Variants in SPAG16 observed in about 807,000 individuals in gnomAD.
SPAG16 encodes the protein sperm-associated antigen 16 protein.
Under a neutral mutation model 80.4 loss-of-function variants are expected in SPAG16, and 86 were observed. The observed-to-expected ratio is 1.07, with a 90% CI of 0.90 to 1.28. The LOEUF is 1.28. Among genes scored for constraint, SPAG16 ranks in the 50% most tolerant of loss-of-function variants. The probability of loss-of-function intolerance (pLI) is 0.00; values close to 1 mark genes in which losing one functional copy is unlikely to be tolerated. For missense variants in SPAG16, 870 were observed against 765.3 expected, an observed-to-expected ratio of 1.14 and a Z score of -1.61; for synonymous variants, 294 against 265.9, an observed-to-expected ratio of 1.11 and a Z score of -1.03.
intron 10 of SPAG16, among the ~76,000 whole-genome samples, chr2:213,548,187 C>T (rs1265986212): frequency 1.3e-5 from 2 of 152,092 alleles, no homozygotes; most frequent in Admixed American, 6.5e-5. Flanking sequence ...TATATTACCC[C>T]CACCAAAAAA....
chr2:213,581,816 C>G (rs1372879050), intron 10 of SPAG16, among the ~76,000 whole-genome samples: 1 of 152,136 alleles, frequency 6.6e-6, no homozygotes, highest in African/African-American at 2.4e-5. Flanking sequence ...AAGCATGGCC[C>G]AAACAGAGAT....
At chr2:214,107,326 C>T (rs575364627) in intron 13 of SPAG16, among the ~76,000 whole-genome samples, 1 of 152,264 alleles carries the variant, frequency 6.6e-6, no homozygotes, top group South Asian at 2.1e-4. Context: ...ATATTAATTA[C>T]TCAAAAATAT....
At chr2:213,468,486 T>C (rs1445294141) in intron 9 of SPAG16, among the ~76,000 whole-genome samples, 1 of 115,610 alleles carries the variant, frequency 8.6e-6, no homozygotes, top group African/African-American at 3.4e-5. Context: ...TATAGATATA[T>C]ATATGTATTT....
chr2:213,791,940 A>C (rs1436315611), intron 10 of SPAG16, among the ~76,000 whole-genome samples: 1 of 152,226 alleles, frequency 6.6e-6, no homozygotes, highest in Non-Finnish European at 1.5e-5. Context: ...AGCATTCATT[A>C]ACATATTAAA....
intron 9 of SPAG16, among the ~76,000 whole-genome samples, chr2:213,419,664 T>C (rs1280304255): frequency 6.6e-6 from 1 of 152,242 alleles, no homozygotes; most frequent in Non-Finnish European, 1.5e-5. Flanking sequence ...ATTAAAAGCA[T>C]GTGCTACTTT....
At chr2:214,384,821 G>C (rs963889070) in intron 15 of SPAG16, among the ~76,000 whole-genome samples, 1 of 152,162 alleles carries the variant, frequency 6.6e-6, no homozygotes, top group Admixed American at 6.5e-5. Flanking sequence ...TCATATGTAG[G>C]AGAGAGTAAC....
intron 5 of SPAG16, among the ~76,000 whole-genome samples, chr2:213,335,801 G>T (rs2064328523): frequency 6.6e-6 from 1 of 152,054 alleles, no homozygotes. Context: ...TTATTTACGT[G>T]TAATGAAAAC....
rs548393510 is a variant in SPAG16 at position 213,297,246 on chromosome 2, T to C, written c.184-16T>C. ...TCTGCTCACTCTTCCTATCCTTCTC[T>C]TTCTCTGTGATCTAGATACCAGATG... On this transcript the variant is annotated splice_polypyrimidine_tract_variant and intron_variant, in intron 2 of 15. Transcript: ENST00000331683. 1.0e-5 allele frequency: 16 copies of C among 1,587,520 alleles called. No individual in the cohort carries two copies. The highest frequency in any genetic ancestry group is 1.3e-5 in the Non-Finnish European group (15 of 1,161,976).
At chr2:214,135,686 T>C (rs942864133) in intron 14 of SPAG16, among the ~76,000 whole-genome samples, 2 of 151,908 alleles carry the variant, frequency 1.3e-5, no homozygotes, top group African/African-American at 2.4e-5. Context: ...AAAAATAACC[T>C]GGAACTTCCT....
At position 214,014,093 on chromosome 2, in the gene SPAG16, A is replaced by C. The variant is rs1385021044; in HGVS notation, c.1527+16A>C. On this transcript the variant is annotated intron_variant, in intron 13 of 15. Coordinates refer to ENST00000331683, the MANE Select transcript of SPAG16 (RefSeq NM_024532.5). ...TGCAAGAACAGTAAGCAAATCATTC[A>C]CTTTTTTTCCCAGCTTTTGATAAGT... 8.1e-6 allele frequency: 13 copies of C among 1,610,742 alleles called. No homozygotes were observed. Among genetic ancestry groups the C allele is most frequent in the Non-Finnish European group, 1.0e-5 (12 of 1,178,834 alleles).
chr2:213,685,861 A>C (rs1266714669), intron 10 of SPAG16, among the ~76,000 whole-genome samples: 2 of 152,338 alleles, frequency 1.3e-5, no homozygotes, highest in East Asian at 1.9e-4. Flanking sequence ...AGGCTTACTC[A>C]AGGACATCAT....
At chr2:213,903,386 C>A (rs183285758) in intron 11 of SPAG16, among the ~76,000 whole-genome samples, 13 of 152,288 alleles carry the variant, frequency 8.5e-5, no homozygotes, top group African/African-American at 2.9e-4. Context: ...TTCTTGATTT[C>A]CCTTCACTCA....
At chr2:213,980,664 A>G (rs973552340) in intron 12 of SPAG16, among the ~76,000 whole-genome samples, 6 of 144,718 alleles carry the variant, frequency 4.1e-5, no homozygotes, top group African/African-American at 1.3e-4. Flanking sequence ...ATGTATATGT[A>G]TATAGAATAT....
rs887480062 is a variant in SPAG16 at position 213,352,981 on chromosome 2, C to T, written c.762+2336C>T. Among the ~76,000 whole-genome samples, 20 of 152,272 alleles carry T rather than the reference C, an allele frequency of 1.3e-4. 1 individual carries two copies. Among genetic ancestry groups the T allele is most frequent in the South Asian group, 6.2e-4 (3 of 4,826 alleles). On this transcript the variant is annotated intron_variant, in intron 7 of 15. Coordinates refer to ENST00000331683, the MANE Select transcript of SPAG16 (RefSeq NM_024532.5). ...TAGCTAAAACATAGTTATTAGTGCTCATTTTCTTCCTTCAAATGGCATGCC... is the reference window on the plus strand; with the variant it reads ...TAGCTAAAACATAGTTATTAGTGCTTATTTTCTTCCTTCAAATGGCATGCC...
chr2:213,957,809 A>G (rs2044225345), intron 12 of SPAG16, among the ~76,000 whole-genome samples: 1 of 152,182 alleles, frequency 6.6e-6, no homozygotes. Flanking sequence ...CTAAAGTTAT[A>G]GCACTATAAT....
At chr2:213,631,073 C>T (rs746142853) in intron 10 of SPAG16, among the ~76,000 whole-genome samples, 14 of 152,072 alleles carry the variant, frequency 9.2e-5, no homozygotes, top group South Asian at 4.2e-4. Flanking sequence ...AAAACACTAC[C>T]GGCAAAACTA....
intron 10 of SPAG16, among the ~76,000 whole-genome samples, chr2:213,535,047 T>C (rs941831592): frequency 6.6e-6 from 1 of 152,132 alleles, no homozygotes; most frequent in South Asian, 2.1e-4. Flanking sequence ...TAACATTTGA[T>C]CTTGAATTTC....
chr2:213,608,232 G>T (rs962004584), intron 10 of SPAG16, among the ~76,000 whole-genome samples: 18 of 152,072 alleles, frequency 1.2e-4, no homozygotes, highest in Non-Finnish European at 2.5e-4. Flanking sequence ...GTGCAGGTTT[G>T]TTACATATGT....
chr2:214,055,518 T>C (rs1448026401), intron 13 of SPAG16, among the ~76,000 whole-genome samples: 1 of 152,194 alleles, frequency 6.6e-6, no homozygotes, highest in Non-Finnish European at 1.5e-5. Context: ...ATTACTTTTC[T>C]CCTTCTTTAA....
Sources: allele counts gnomAD v4.1 joint callset (sites outside exome capture counted in the v4.1 genomes callset), GRCh38; gene constraint gnomAD v4.1.1; transcripts MANE v1.5; gene names NCBI Gene and HGNC (gene_info 2026-07-23, HGNC 2026-07-21).